ZNF516: variants seen among roughly 807,000 people sequenced by gnomAD.
ZNF516 encodes zinc finger protein 516.
In ZNF516, 19 loss-of-function variants were observed where a neutral mutation model predicts 79.7. The ratio of observed to expected loss-of-function variants is 0.24; its 90% CI spans 0.17 to 0.35. The LOEUF (loss-of-function observed/expected upper bound fraction) is 0.35, where lower values mean the gene tolerates loss of function less well. ZNF516 is among the 10% of genes least tolerant of loss of function. The pLI is 1.00. For synonymous variants in ZNF516, 877 were observed against 739.5 expected, an observed-to-expected ratio of 1.19 and a Z score of -3.02; for missense variants, 1,678 against 1,679.5, an observed-to-expected ratio of 1.00 and a Z score of 0.02.
At position 76,379,805 on chromosome 18, in the gene ZNF516, T is replaced by A; in HGVS notation, c.2309A>T (p.Tyr770Phe). Residue 770 changes from tyrosine (Y) to phenylalanine (F), a missense_variant, in exon 4 of 7, where the codon TAC (tyrosine) becomes TTC (phenylalanine). Physicochemically the swap from Tyr to Phe is conservative, Grantham distance 22 (BLOSUM62 3). Around this residue, in one of 5 missense-constraint regions of ZNF516, gnomAD observed 1,294 missense variants for 1,248.3 expected, o/e 1.04. Coordinates refer to ENST00000443185, the MANE Select transcript of ZNF516 (RefSeq NM_014643.4). ...HPCPYCSHKTYYPEVLWMHKR... is the reference protein window; with the variant it reads ...HPCPYCSHKTFYPEVLWMHKR... ...GTGCATCCACAGGACCTCGGGGTAG[T>A]AGGTCTTGTGGCTGCAGTAAGGACA... is the stretch of plus-strand genomic sequence containing the variant. The A allele has an allele frequency of 1.2e-6, 2 of 1,613,808 alleles. No homozygotes were observed. The highest frequency in any genetic ancestry group is 1.7e-6 in the Non-Finnish European group (2 of 1,179,822).
intron 3 of ZNF516, among the ~76,000 whole-genome samples, chr18:76,434,035 C>T (rs998163956): frequency 5.9e-5 from 9 of 151,808 alleles, no homozygotes; most frequent in Non-Finnish European, 1.0e-4. Context: ...GCACCTGCTG[C>T]TCTGGCCGTT....
chr18:76,438,343 C>T (rs945206903), intron 3 of ZNF516, among the ~76,000 whole-genome samples: 2 of 152,208 alleles, frequency 1.3e-5, no homozygotes, highest in Non-Finnish European at 2.9e-5. Context: ...TTTCTAAGCT[C>T]CCTGAGCCTA....
intron 3 of ZNF516, chr18:76,385,784 C>CCCCT (rs1555698708): frequency 6.6e-6 from 1 of 151,316 alleles, no homozygotes; most frequent in Non-Finnish European, 1.5e-5. Context: ...CTGCCCCCCC[C>CCCCT]CCGGGAGCTG....
intron 3 of ZNF516, among the ~76,000 whole-genome samples, chr18:76,406,244 C>A (rs2075303371): frequency 6.6e-6 from 1 of 152,158 alleles, no homozygotes; most frequent in African/African-American, 2.4e-5. Flanking sequence ...GAAGCCTCGT[C>A]CATCTACTTA....
intron 3 of ZNF516, among the ~76,000 whole-genome samples, chr18:76,400,131 A>C (rs2075199613): frequency 6.6e-6 from 1 of 152,132 alleles, no homozygotes; most frequent in Admixed American, 6.5e-5. Context: ...CTGGAAATTC[A>C]GAGTGAGCAA....
chr18:76,424,662 C>A (rs1350335469), intron 3 of ZNF516, among the ~76,000 whole-genome samples: 1 of 132,692 alleles, frequency 7.5e-6, no homozygotes, highest in African/African-American at 2.9e-5. Flanking sequence ...AAAGGTTCCC[C>A]CATGAAACAC....
chr18:76,364,710 G>A (rs908709011), intron 6 of ZNF516, among the ~76,000 whole-genome samples: 4 of 152,166 alleles, frequency 2.6e-5, no homozygotes, highest in South Asian at 2.1e-4. Context: ...CAGGACACAC[G>A]GGGCACCTCT....
chr18:76,460,751 T>C (rs1053555498), intron 2 of ZNF516, among the ~76,000 whole-genome samples: 2 of 151,818 alleles, frequency 1.3e-5, no homozygotes, highest in Admixed American at 1.3e-4. Context: ...GAGAGAGAGA[T>C]CACTTGCAAA....
intron 3 of ZNF516, chr18:76,385,564 A>G (rs934652562): frequency 1.3e-5 from 2 of 152,202 alleles, no homozygotes; most frequent in African/African-American, 4.8e-5. Context: ...GGGGCTGCCT[A>G]TTCGTCATGT....
At chr18:76,491,156 A>C (rs1599172897) in intron 1 of ZNF516, 1 of 938,694 alleles carries the variant, frequency 1.1e-6, no homozygotes, top group Non-Finnish European at 1.3e-6. Flanking sequence ...GAAACCAATT[A>C]CCTGGGCTCC....
Position 76,370,450 on chromosome 18 carries a change from T to C in ZNF516, c.3432+78A>G. On this transcript the variant is annotated intron_variant, in intron 6 of 6. Coordinates refer to ENST00000443185, the MANE Select transcript of ZNF516 (RefSeq NM_014643.4). ...GAAAAAAACAAAAAGAAGGTCATGC[T>C]TCAGTGATGAGCATCATGGTGCACC... The C allele has an allele frequency of 3.0e-6, 4 of 1,340,948 alleles. No individual in the cohort carries two copies. In the South Asian group the frequency reaches 4.2e-5, roughly 14 times the overall value. 83.1% of individuals were successfully genotyped at this position (1,340,948 alleles called of 1,614,324 possible).
chr18:76,469,317 C>T (rs1913686910), intron 1 of ZNF516, among the ~76,000 whole-genome samples: 1 of 152,106 alleles, frequency 6.6e-6, no homozygotes, highest in African/African-American at 2.4e-5. Flanking sequence ...ACTAAAAAAG[C>T]CACACTCATT....
intron 2 of ZNF516, among the ~76,000 whole-genome samples, chr18:76,461,391 C>A (rs750034049): frequency 2.0e-5 from 3 of 152,166 alleles, no homozygotes; most frequent in Non-Finnish European, 4.4e-5. Context: ...GTGGCACATG[C>A]CACTTCCCCA....
intron 1 of ZNF516, among the ~76,000 whole-genome samples, chr18:76,487,186 C>T (rs891697032): frequency 2.0e-5 from 3 of 152,124 alleles, no homozygotes; most frequent in African/African-American, 7.2e-5. Flanking sequence ...CTTTACAATT[C>T]GAATGTATAC....
At chr18:76,482,280 T>C (rs912937576) in intron 1 of ZNF516, among the ~76,000 whole-genome samples, 1 of 152,222 alleles carries the variant, frequency 6.6e-6, no homozygotes, top group Non-Finnish European at 1.5e-5. Flanking sequence ...GATCCAGCTT[T>C]TCCCTTCATC....
At chr18:76,370,809 G>A (rs549174172) in intron 5 of ZNF516, among the ~76,000 whole-genome samples, 1 of 152,362 alleles carries the variant, frequency 6.6e-6, no homozygotes, top group East Asian at 1.9e-4. Flanking sequence ...CCTCGCTGCT[G>A]AAGAAAGCAA....
chr18:76,387,640 T>C (rs892926480), intron 3 of ZNF516: 6 of 152,278 alleles, frequency 3.9e-5, no homozygotes, highest in Non-Finnish European at 7.3e-5. Flanking sequence ...GACCGAAGCA[T>C]GCATGGACTT....
intron 3 of ZNF516, among the ~76,000 whole-genome samples, chr18:76,428,943 A>G (rs1481106253): frequency 6.6e-6 from 1 of 152,140 alleles, no homozygotes; most frequent in Non-Finnish European, 1.5e-5. Context: ...CTCCTGCCAT[A>G]GCTAGCCCTG....
rs2074523104 is a variant in ZNF516, at chr18:76,360,680, A to AT, written c.*1817_*1818insA. On this transcript the variant is annotated 3_prime_UTR_variant, in exon 7 of 7. Transcript: ENST00000443185. ...ATATATATATATATATATATATATA[A>AT]GCTAGCCAGTTACATTGCATCGTTT... The AT allele has an allele frequency of 1.1e-5, 1 of 94,116 alleles. No homozygotes were observed. Among genetic ancestry groups the AT allele is most frequent in the Non-Finnish European group, 2.2e-5 (1 of 45,294 alleles). 5.8% of individuals were successfully genotyped at this position (94,116 alleles called of 1,614,324 possible). A position where few individuals can be genotyped will look rare whatever the true frequency, so the allele number is the denominator to read the frequency against.
Sources: gnomAD v4.1 joint callset for allele counts (sites outside exome capture counted in the v4.1 genomes callset) on GRCh38, gnomAD v4.1.1 for gene constraint, gnomAD v4.1.1 regional missense constraint, MANE v1.5 for transcripts, NCBI Gene and HGNC (gene_info 2026-07-23, HGNC 2026-07-21) for gene names.